VDR: variants seen among roughly 807,000 people sequenced by gnomAD.
VDR encodes the protein vitamin D3 receptor.
VDR carries 19 observed loss-of-function variants against 39.7 expected under a neutral mutation model. That is an observed-to-expected ratio of 0.48 (90% CI 0.33 to 0.70). VDR has a LOEUF of 0.70. Ranked by LOEUF, VDR falls within the 30% of genes least tolerant of loss-of-function variation. The pLI, the probability that VDR is intolerant of heterozygous loss-of-function variation, is 0.02. For synonymous variants in VDR, 242 were observed against 215.8 expected, an observed-to-expected ratio of 1.12 and a Z score of -1.07; for missense variants, 442 against 570.5, an observed-to-expected ratio of 0.77 and a Z score of 2.29.
At chr12:47,902,153 G>T (rs1946574799) in intron 1 of VDR, among the ~76,000 whole-genome samples, 1 of 152,206 alleles carries the variant, frequency 6.6e-6, no homozygotes, top group Non-Finnish European at 1.5e-5. Flanking sequence ...GGAAAGTTTG[G>T]GTTTATGTCC....
chr12:47,863,885 T>A (rs1419308957), intron 4 of VDR, among the ~76,000 whole-genome samples: 1 of 152,180 alleles, frequency 6.6e-6, no homozygotes, highest in Non-Finnish European at 1.5e-5. Flanking sequence ...ACAGATAATT[T>A]TTTTCCCATT....
At chr12:47,851,765 C>A (rs983625667) in intron 7 of VDR, among the ~76,000 whole-genome samples, 6 of 152,246 alleles carry the variant, frequency 3.9e-5, no homozygotes, top group African/African-American at 1.4e-4. Flanking sequence ...AGGCCTGCTC[C>A]ATTTTCATTG....
chr12:47,866,935 G>T (rs1370892130), intron 3 of VDR, among the ~76,000 whole-genome samples: 1 of 151,976 alleles, frequency 6.6e-6, no homozygotes, highest in East Asian at 1.9e-4. Context: ...GGTAGAGGTT[G>T]CAGTAGGCCA....
intron 1 of VDR, chr12:47,904,462 TAAAAAAAAAA>T (rs17886628): frequency 3.9e-5 from 14 of 357,632 alleles, no homozygotes; most frequent in East Asian, 6.9e-5. Flanking sequence ...CAAAGAAAAG[TAAAAAAAAAA>T]AAAAAAAAAA....
chr12:47,857,228 C>A lies in VDR; in HGVS notation c.484G>T (p.Gly162Cys), dbSNP rs1212238799. Residue 162 changes from glycine to cysteine, a missense_variant, in exon 6 of 10, where the codon GGT (glycine) becomes TGT (cysteine). Around this residue, in one of 5 missense-constraint regions of VDR, gnomAD observed 77 missense variants for 67.4 expected, o/e 1.14. Transcript: ENST00000549336. ...GGCCTGGAAGGATGGCTCCCTCCACCATCATTCACACGAACTGGAGGCTGG... is the reference window on the plus strand; with the variant it reads ...GGCCTGGAAGGATGGCTCCCTCCACAATCATTCACACGAACTGGAGGCTGG... ...QFRPPVRVND[G>C]GGSHPSRPNS... The A allele has an allele frequency of 6.2e-6, 10 of 1,614,068 alleles. No individual in the cohort carries two copies. In the Admixed American group the frequency reaches 1.7e-4, roughly 27 times the overall value.
intron 7 of VDR, among the ~76,000 whole-genome samples, chr12:47,852,193 C>T (rs537541724): frequency 1.3e-5 from 2 of 152,290 alleles, no homozygotes; most frequent in East Asian, 3.9e-4. Flanking sequence ...AATCACTGAA[C>T]CTGGAATCAC....
At position 47,893,524 on chromosome 12, in the gene VDR, A is replaced by G. The variant is rs541965013; in HGVS notation, c.-83-10750T>C. On this transcript the variant is annotated intron_variant, in intron 1 of 9. Transcript: ENST00000549336. ...AAAGAACAAATGATTCAATAAGGGC[A>G]GATGGAAGGGAGGTTAGTGAACAAC... is the stretch of plus-strand genomic sequence containing the variant. Among the ~76,000 whole-genome samples, 4 of 152,386 alleles carry G rather than the reference A, an allele frequency of 2.6e-5. No homozygotes were observed. The South Asian group carries it at 8.3e-4, about 32-fold the overall frequency.
At chr12:47,876,598 AAG>A (rs1946010013) in intron 3 of VDR, among the ~76,000 whole-genome samples, 1 of 152,234 alleles carries the variant, frequency 6.6e-6, no homozygotes, top group South Asian at 2.1e-4. Context: ...AAGGTGGACT[AAG>A]AGTGGGTTAA....
At chr12:47,885,655 A>G (rs537031991) in intron 1 of VDR, among the ~76,000 whole-genome samples, 2 of 152,210 alleles carry the variant, frequency 1.3e-5, no homozygotes, top group Non-Finnish European at 2.9e-5. Context: ...TAGCTCTGAG[A>G]GCATGCAACT....
chr12:47,862,953 C>T (rs1473701317), intron 4 of VDR, among the ~76,000 whole-genome samples: 1 of 152,240 alleles, frequency 6.6e-6, no homozygotes, highest in Non-Finnish European at 1.5e-5. Flanking sequence ...CTGCTCCCTG[C>T]ACTGGGATGA....
intron 1 of VDR, among the ~76,000 whole-genome samples, chr12:47,895,412 G>T (rs1487763254): frequency 6.6e-6 from 1 of 152,240 alleles, no homozygotes; most frequent in Non-Finnish European, 1.5e-5. Context: ...AGAGAAGGAG[G>T]AGGGGAGAAA....
At chr12:47,875,674 C>T (rs1402884917) in intron 3 of VDR, among the ~76,000 whole-genome samples, 1 of 152,204 alleles carries the variant, frequency 6.6e-6, no homozygotes, top group East Asian at 1.9e-4. Context: ...TAGTTATGGT[C>T]TATAGTCACT....
At chr12:47,896,987 G>A (rs1246719301) in intron 1 of VDR, 4 of 152,316 alleles carry the variant, frequency 2.6e-5, no homozygotes, top group Non-Finnish European at 5.9e-5. Context: ...AGACAGGAAG[G>A]GGAGGAGGGA....
In VDR at chr12:47,865,123, G is replaced by T; in HGVS notation, c.201C>A (p.Arg67=). 1 of 1,613,924 alleles carries T rather than the reference G, an allele frequency of 6.2e-7. No individual in the cohort carries two copies. The change falls in exon 4 of 10, where the codon CGC becomes CGA. Residue 67 remains arginine, a synonymous_variant. Coordinates refer to ENST00000549336, the MANE Select transcript of VDR (RefSeq NM_000376.3). ...AGTGGCGTCGGTTGTCCTTGGTGAT[G>T]CGGCAGTCCCCGTTGAAGGGGCAGG... The part of the protein sequence containing the change: ...LFTCPFNGDC[R]ITKDNRRHCQ...
intron 4 of VDR, among the ~76,000 whole-genome samples, chr12:47,861,298 T>A (rs1054781766): frequency 2.6e-5 from 4 of 152,202 alleles, no homozygotes; most frequent in African/African-American, 9.7e-5. Flanking sequence ...AAAGTTCAAG[T>A]TTAACCCTAT....
At chr12:47,868,021 G>A (rs1365354598) in intron 3 of VDR, among the ~76,000 whole-genome samples, 5 of 152,172 alleles carry the variant, frequency 3.3e-5, no homozygotes, top group South Asian at 2.1e-4. Context: ...CCAAGAGACC[G>A]TCAGTGTAAC....
chr12:47,891,127 G>A (rs1946361734), intron 1 of VDR, among the ~76,000 whole-genome samples: 1 of 152,118 alleles, frequency 6.6e-6, no homozygotes, highest in South Asian at 2.1e-4. Context: ...TGAGATATTT[G>A]GGATCCTTGG....
rs995432680 is a variant in VDR, at chr12:47,843,828, G to A, written c.*918C>T. The A allele has an allele frequency of 6.6e-6, 1 of 151,974 alleles. No individual in the cohort carries two copies. The highest frequency in any genetic ancestry group is 6.6e-5 in the Admixed American group (1 of 15,256). 9.4% of individuals were successfully genotyped at this position (151,974 alleles called of 1,614,324 possible). The stretch of plus-strand genomic sequence containing the variant: ...CCACCCTGCCAGATGGAGAAGATGC[G>A]GCTCACTGCTTCTCCAGACCCTCTC... On this transcript the variant is annotated 3_prime_UTR_variant, in exon 10 of 10. Transcript: ENST00000549336.
rs773844920 is a variant in VDR, at chr12:47,879,006, G to A, written c.108C>T (p.Phe36=). Residue 36 remains phenylalanine (F), a synonymous_variant, in exon 3 of 10, where the codon TTC becomes TTT. Transcript: ENST00000549336. ...TGCAGCCTTCACAGGTCATAGCATT[G>A]AAGTGAAAGCCAGTGGCTCGGTCTC... ...VCGDRATGFH[F]NAMTCEGCKG... 4 of 1,614,238 alleles carry A rather than the reference G, an allele frequency of 2.5e-6. No homozygotes were observed. The South Asian group carries it at 4.4e-5, about 18-fold the overall frequency.
Sources: allele counts gnomAD v4.1 joint callset (sites outside exome capture counted in the v4.1 genomes callset), GRCh38; gene constraint gnomAD v4.1.1; regional missense constraint gnomAD v4.1.1; transcripts MANE v1.5; gene names NCBI Gene and HGNC (gene_info 2026-07-23, HGNC 2026-07-21).